The following MBNL2 variants were observed in gnomAD, a reference collection of about 807,000 sequenced individuals.
MBNL2 encodes the protein muscleblind-like protein 2.
Under a neutral mutation model 41.9 loss-of-function variants are expected in MBNL2, and 17 were observed. The ratio of observed to expected loss-of-function variants is 0.41; its 90% CI spans 0.28 to 0.61. The LOEUF is 0.61. MBNL2 is among the 20% of genes least tolerant of loss of function. MBNL2 has a pLI of 0.35. For missense variants in MBNL2, 336 were observed against 505.6 expected, an observed-to-expected ratio of 0.66 and a Z score of 3.22; for synonymous variants, 195 against 182.9, an observed-to-expected ratio of 1.07 and a Z score of -0.53.
intron 2 of MBNL2, among the ~76,000 whole-genome samples, chr13:97,282,585 G>A (rs1377093557): frequency 1.3e-5 from 2 of 152,148 alleles, no homozygotes; most frequent in Non-Finnish European, 2.9e-5. Flanking sequence ...GTGTGTGTGT[G>A]CCCATGTGAT....
intron 2 of MBNL2, among the ~76,000 whole-genome samples, chr13:97,323,815 T>G (rs905428863): frequency 2.6e-5 from 4 of 152,170 alleles, no homozygotes; most frequent in Non-Finnish European, 4.4e-5. Flanking sequence ...TAGGTGTATA[T>G]ACTTATGGGG....
intron 7 of MBNL2, among the ~76,000 whole-genome samples, chr13:97,358,430 T>C (rs2063154190): frequency 1.3e-5 from 2 of 151,402 alleles, no homozygotes; most frequent in Non-Finnish European, 2.9e-5. Context: ...GGCCCGCCTA[T>C]ATATACACAT....
At chr13:97,277,858 T>A (rs2052483856) in intron 2 of MBNL2, among the ~76,000 whole-genome samples, 1 of 152,126 alleles carries the variant, frequency 6.6e-6, no homozygotes, top group Non-Finnish European at 1.5e-5. Flanking sequence ...ACTATAACAG[T>A]ACAAGCATGG....
At chr13:97,201,480 TAGAC>T in the MBNL2 span, among the ~76,000 whole-genome samples, 2 of 152,194 alleles carry the variant, frequency 1.3e-5, no homozygotes, top group Admixed American at 6.6e-5. Flanking sequence ...GATGGATAGA[TAGAC>T]AAATATATTG....
At chr13:97,228,165 G>GC (rs2041911276) in intron 1 of MBNL2, among the ~76,000 whole-genome samples, 1 of 152,096 alleles carries the variant, frequency 6.6e-6, no homozygotes, top group African/African-American at 2.4e-5. Context: ...GAGCAGGAGA[G>GC]CCCCACAAAG....
At chr13:97,377,029 T>C (rs1194060075) in intron 8 of MBNL2, among the ~76,000 whole-genome samples, 1 of 152,128 alleles carries the variant, frequency 6.6e-6, no homozygotes, top group Non-Finnish European at 1.5e-5. Flanking sequence ...GGCCTTGAAC[T>C]GCTCCAGGGC....
chr13:97,303,949 C>T (rs1003204876), intron 2 of MBNL2, among the ~76,000 whole-genome samples: 7 of 152,074 alleles, frequency 4.6e-5, no homozygotes, highest in Admixed American at 2.6e-4. Flanking sequence ...GGATATACAC[C>T]GACTCTTTTG....
chr13:97,248,930 AT>A (rs887382027), intron 1 of MBNL2, among the ~76,000 whole-genome samples: 2 of 152,186 alleles, frequency 1.3e-5, no homozygotes, highest in Admixed American at 6.5e-5. Flanking sequence ...GAAAGCTACA[AT>A]TTGCAAGCCA....
chr13:97,386,120 C>T (rs547761424), intron 8 of MBNL2, among the ~76,000 whole-genome samples: 13 of 152,292 alleles, frequency 8.5e-5, no homozygotes, highest in South Asian at 2.1e-4. Flanking sequence ...TTTCTTTGGG[C>T]GAAAGCCAAA....
At chr13:97,333,636 CTCTTCA>C (rs1194564877) in intron 2 of MBNL2, among the ~76,000 whole-genome samples, 2 of 152,176 alleles carry the variant, frequency 1.3e-5, no homozygotes, top group African/African-American at 4.8e-5. Flanking sequence ...ACACTATTGC[CTCTTCA>C]TCCATAAGCT....
chr13:97,282,403 G>C (rs1319036205), intron 2 of MBNL2, among the ~76,000 whole-genome samples: 3 of 152,060 alleles, frequency 2.0e-5, no homozygotes, highest in Non-Finnish European at 2.9e-5. Flanking sequence ...GAAGCTCCCA[G>C]GAGTAAACCT....
chr13:97,262,731 A>G (rs891629788), intron 1 of MBNL2, among the ~76,000 whole-genome samples: 8 of 150,868 alleles, frequency 5.3e-5, no homozygotes, highest in Non-Finnish European at 1.2e-4. Context: ...CTGCACACAC[A>G]GGACCCACAT....
chr13:97,215,795 G>C, the MBNL2 span, among the ~76,000 whole-genome samples: 68 of 152,276 alleles, frequency 4.5e-4, no homozygotes, highest in African/African-American at 1.6e-3. Context: ...GGAATACCAA[G>C]AGTGTCATGA....
intron 7 of MBNL2, among the ~76,000 whole-genome samples, chr13:97,361,346 A>G (rs2063376963): frequency 6.6e-6 from 1 of 152,198 alleles, no homozygotes; most frequent in Non-Finnish European, 1.5e-5. Context: ...AGTGTACTTG[A>G]AGAATAGAAA....
intron 2 of MBNL2, among the ~76,000 whole-genome samples, chr13:97,314,212 G>A (rs1028132174): frequency 6.6e-6 from 1 of 152,102 alleles, no homozygotes; most frequent in Non-Finnish European, 1.5e-5. Flanking sequence ...TCCTGCCTCA[G>A]GACCATTGCA....
At chr13:97,368,152 G>A (rs371335671) in intron 8 of MBNL2, among the ~76,000 whole-genome samples, 4 of 152,288 alleles carry the variant, frequency 2.6e-5, no homozygotes, top group Admixed American at 2.0e-4. Flanking sequence ...CCTCATGCTT[G>A]TAATCCCAGC....
At chr13:97,297,910 A>G (rs1437001668) in intron 2 of MBNL2, among the ~76,000 whole-genome samples, 2 of 151,934 alleles carry the variant, frequency 1.3e-5, no homozygotes, top group African/African-American at 4.8e-5. Flanking sequence ...GCAGCAATGA[A>G]TAAATAAATA....
intron 8 of MBNL2, among the ~76,000 whole-genome samples, chr13:97,385,411 A>G (rs1052036739): frequency 6.6e-6 from 1 of 152,236 alleles, no homozygotes; most frequent in Non-Finnish European, 1.5e-5. Context: ...CAAACTCAAC[A>G]TTACAAAGAC....
chr13:97,172,710 T>G, the MBNL2 span: 1 of 152,188 alleles, frequency 6.6e-6, no homozygotes, highest in East Asian at 1.9e-4. Context: ...AGAGGACACC[T>G]TTCACACCTG....
Sources: gnomAD v4.1 joint callset for allele counts (sites outside exome capture counted in the v4.1 genomes callset) on GRCh38, gnomAD v4.1.1 for gene constraint, MANE v1.5 for transcripts, NCBI Gene and HGNC (gene_info 2026-07-23, HGNC 2026-07-21) for gene names.